The following PLXDC2 variants were observed in gnomAD, a reference collection of about 807,000 sequenced individuals.
PLXDC2 encodes plexin domain-containing protein 2.
In PLXDC2, 40 loss-of-function variants were observed where a neutral mutation model predicts 68.9. That is an observed-to-expected ratio of 0.58 (90% CI 0.45 to 0.76). PLXDC2 has a LOEUF of 0.76. Among genes scored for constraint, PLXDC2 ranks in the 30% least tolerant of loss-of-function variants. PLXDC2 has a pLI of 0.00. For missense variants in PLXDC2, 644 were observed against 661.9 expected (o/e 0.97, Z 0.30); for synonymous variants, 243 against 234.2 (o/e 1.04, Z -0.34).
chr10:20,086,119 T>G (rs1466612522), intron 4 of PLXDC2, among the ~76,000 whole-genome samples: 1 of 152,082 alleles, frequency 6.6e-6, no homozygotes, highest in African/African-American at 2.4e-5. Flanking sequence ...GGACACATAC[T>G]TGTTATTTTC....
intron 1 of PLXDC2, among the ~76,000 whole-genome samples, chr10:19,918,704 T>C (rs186589372): frequency 4.9e-4 from 74 of 152,320 alleles, no homozygotes; most frequent in Non-Finnish European, 8.2e-4. Flanking sequence ...GGCAGTACTT[T>C]CCCATACTTT....
At chr10:20,262,368 T>TA (rs1282005991) in intron 13 of PLXDC2, among the ~76,000 whole-genome samples, 1 of 152,212 alleles carries the variant, frequency 6.6e-6, no homozygotes, top group East Asian at 1.9e-4. Flanking sequence ...AGTGTGATAT[T>TA]AAAAAATTAT....
intron 1 of PLXDC2, among the ~76,000 whole-genome samples, chr10:19,957,685 A>C (rs887986315): frequency 6.6e-6 from 1 of 152,144 alleles, no homozygotes; most frequent in Non-Finnish European, 1.5e-5. Flanking sequence ...TGACTCATGC[A>C]TTCATTTTTG....
intron 13 of PLXDC2, among the ~76,000 whole-genome samples, chr10:20,249,703 A>G (rs115245522): frequency 1.6e-3 from 241 of 152,244 alleles, no homozygotes; most frequent in African/African-American, 5.4e-3. Context: ...TTTACCGTGT[A>G]AGGTAACATT....
At chr10:19,936,062 TG>T (rs1589545113) in intron 1 of PLXDC2, among the ~76,000 whole-genome samples, 1 of 152,216 alleles carries the variant, frequency 6.6e-6, no homozygotes, top group East Asian at 1.9e-4. Flanking sequence ...AATTTGCTCA[TG>T]GGGTGTCTTG....
intron 2 of PLXDC2, among the ~76,000 whole-genome samples, chr10:20,011,772 G>A (rs1449553947): frequency 6.6e-6 from 1 of 152,190 alleles, no homozygotes; most frequent in African/African-American, 2.4e-5. Flanking sequence ...TACTGCATAT[G>A]GGGGAACATC....
chr10:20,192,644 G>A (rs1834782099), intron 9 of PLXDC2, among the ~76,000 whole-genome samples: 1 of 151,880 alleles, frequency 6.6e-6, no homozygotes. Context: ...ATCAGAAAGT[G>A]GAGCATATAT....
intron 13 of PLXDC2, among the ~76,000 whole-genome samples, chr10:20,267,558 C>A (rs903015478): frequency 7.9e-5 from 12 of 152,110 alleles, no homozygotes; most frequent in Admixed American, 5.2e-4. Context: ...CCCAAGCAGC[C>A]TTCAACTTTG....
At chr10:19,975,770 G>A (rs1564644949) in intron 1 of PLXDC2, among the ~76,000 whole-genome samples, 1 of 152,066 alleles carries the variant, frequency 6.6e-6, no homozygotes. Flanking sequence ...ATTTTGGACT[G>A]AGATGGGTGG....
chr10:20,069,599 G>A (rs945699731), intron 4 of PLXDC2, among the ~76,000 whole-genome samples: 2 of 152,108 alleles, frequency 1.3e-5, no homozygotes, highest in Non-Finnish European at 2.9e-5. Context: ...AGGCTGCACC[G>A]AGCTATGGTC....
chr10:20,206,934 G>A (rs1242293543), intron 9 of PLXDC2, among the ~76,000 whole-genome samples: 2 of 151,966 alleles, frequency 1.3e-5, no homozygotes, highest in Non-Finnish European at 1.5e-5. Context: ...AGTGATTTTG[G>A]TTTATTTAGA....
At chr10:20,098,182 CT>C (rs979031355) in intron 4 of PLXDC2, among the ~76,000 whole-genome samples, 1 of 152,024 alleles carries the variant, frequency 6.6e-6, no homozygotes, top group African/African-American at 2.4e-5. Context: ...AACCAGTGTC[CT>C]TTAGCTGAAA....
intron 12 of PLXDC2, among the ~76,000 whole-genome samples, chr10:20,220,923 A>G (rs1588525643): frequency 6.8e-6 from 1 of 146,698 alleles, no homozygotes; most frequent in African/African-American, 2.5e-5. Context: ...GCTCACTGCA[A>G]CCTCCGTCTC....
intron 4 of PLXDC2, among the ~76,000 whole-genome samples, chr10:20,114,296 C>T (rs547893089): frequency 5.9e-5 from 9 of 152,302 alleles, no homozygotes; most frequent in East Asian, 5.8e-4. Context: ...CATCATGCAC[C>T]GTTCTCTGTG....
At chr10:19,891,073 C>A (rs376466704) in intron 1 of PLXDC2, among the ~76,000 whole-genome samples, 56 of 152,254 alleles carry the variant, frequency 3.7e-4, no homozygotes, top group African/African-American at 1.3e-3. Flanking sequence ...TATGCAATGG[C>A]AAGACATCTG....
intron 13 of PLXDC2, among the ~76,000 whole-genome samples, chr10:20,272,180 C>T (rs1225504335): frequency 6.6e-6 from 1 of 152,040 alleles, no homozygotes; most frequent in Non-Finnish European, 1.5e-5. Context: ...CTAAAATGAG[C>T]CTCAGAAGGA....
intron 1 of PLXDC2, among the ~76,000 whole-genome samples, chr10:19,885,429 G>A (rs911287202): frequency 5.9e-4 from 90 of 151,990 alleles, no homozygotes; most frequent in South Asian, 2.5e-3. Context: ...GTCCTTGCCC[G>A]TGCCTATGTC....
chr10:20,057,978 T>C (rs556625844), intron 3 of PLXDC2, among the ~76,000 whole-genome samples: 4 of 152,186 alleles, frequency 2.6e-5, no homozygotes, highest in African/African-American at 9.6e-5. Flanking sequence ...ATTCTTTCAT[T>C]TGGGATGATT....
intron 1 of PLXDC2, among the ~76,000 whole-genome samples, chr10:19,836,052 C>A (rs1836786034): frequency 6.6e-6 from 1 of 151,946 alleles, no homozygotes; most frequent in Non-Finnish European, 1.5e-5. Flanking sequence ...TGGTGCACAT[C>A]TGTGGTCCCA....
Sources: gnomAD v4.1 joint callset for allele counts (sites outside exome capture counted in the v4.1 genomes callset) on GRCh38, gnomAD v4.1.1 for gene constraint, MANE v1.5 for transcripts, NCBI Gene and HGNC (gene_info 2026-07-23, HGNC 2026-07-21) for gene names.